The following SLC24A2 variants were observed in gnomAD, a reference collection of about 807,000 sequenced individuals.
SLC24A2 encodes solute carrier family 24 member 2.
A neutral mutation model predicts 62.0 loss-of-function variants in SLC24A2; 36 were observed. The ratio of observed to expected loss-of-function variants is 0.58; its 90% CI spans 0.44 to 0.77. SLC24A2 has a LOEUF of 0.77. SLC24A2 is among the 30% of genes least tolerant of loss of function. The probability of loss-of-function intolerance (pLI) is 0.00; values close to 1 mark genes in which losing one functional copy is unlikely to be tolerated. For missense variants in SLC24A2, 846 were observed against 817.9 expected (o/e 1.03, Z -0.42); for synonymous variants, 358 against 294.0 (o/e 1.22, Z -2.23).
At chr9:19,811,022 A>C in the SLC24A2 span, among the ~76,000 whole-genome samples, 1 of 152,154 alleles carries the variant, frequency 6.6e-6, no homozygotes, top group African/African-American at 2.4e-5. Context: ...TGTATCTTTC[A>C]AATAAGTTAC....
At chr9:19,626,577 A>G (rs1818041286) in intron 2 of SLC24A2, among the ~76,000 whole-genome samples, 2 of 152,234 alleles carry the variant, frequency 1.3e-5, no homozygotes, top group African/African-American at 4.8e-5. Flanking sequence ...TGGAAGCATT[A>G]TAAAGTCTAT....
chr9:19,911,584 C>G, the SLC24A2 span, among the ~76,000 whole-genome samples: 88 of 152,270 alleles, frequency 5.8e-4, 1 homozygote, highest in East Asian at 0.011. Context: ...AAGCCTTGAT[C>G]TGAGCCTTGA....
At chr9:20,120,421 G>C in the SLC24A2 span, among the ~76,000 whole-genome samples, 2 of 152,042 alleles carry the variant, frequency 1.3e-5, no homozygotes, top group Non-Finnish European at 2.9e-5. Context: ...GTTGGAGCTG[G>C]AGGCCATTAT....
At chr9:20,120,319 T>C in the SLC24A2 span, among the ~76,000 whole-genome samples, 1 of 152,116 alleles carries the variant, frequency 6.6e-6, no homozygotes, top group Non-Finnish European at 1.5e-5. Flanking sequence ...TGCCCATAAA[T>C]GGTGGCCTGG....
chr9:19,882,664 T>TAAAA, the SLC24A2 span, among the ~76,000 whole-genome samples: 1 of 140,882 alleles, frequency 7.1e-6, no homozygotes, highest in Non-Finnish European at 1.5e-5. Context: ...ATCTACAGGT[T>TAAAA]AAAAAAAAAA....
At chr9:20,210,335 A>C in the SLC24A2 span, among the ~76,000 whole-genome samples, 1 of 152,250 alleles carries the variant, frequency 6.6e-6, no homozygotes, top group African/African-American at 2.4e-5. Context: ...AATTTCTGAC[A>C]GTAAGCAAAT....
At chr9:19,851,027 A>ATATATATATATATTTTT in the SLC24A2 span, among the ~76,000 whole-genome samples, 1 of 55,292 alleles carries the variant, frequency 1.8e-5, no homozygotes, top group Non-Finnish European at 3.3e-5. Flanking sequence ...ATATATACAT[A>ATATATATATATATTTTT]TTTTTTTTTT....
At chr9:19,726,555 C>T (rs888399055) in intron 2 of SLC24A2, among the ~76,000 whole-genome samples, 1 of 152,136 alleles carries the variant, frequency 6.6e-6, no homozygotes, top group African/African-American at 2.4e-5. Flanking sequence ...TCCTGGAGAC[C>T]TCAGCAACCT....
At chr9:19,762,773 G>C (rs1413128107) in intron 2 of SLC24A2, among the ~76,000 whole-genome samples, 4 of 137,168 alleles carry the variant, frequency 2.9e-5, no homozygotes, top group Non-Finnish European at 6.3e-5. Context: ...TTTTGCTTAG[G>C]ATTGTCTTGG....
intron 2 of SLC24A2, among the ~76,000 whole-genome samples, chr9:19,699,827 T>G (rs1472311792): frequency 6.6e-6 from 1 of 152,176 alleles, no homozygotes; most frequent in Non-Finnish European, 1.5e-5. Context: ...TTAAATTTTT[T>G]TTTCTGACTA....
At chr9:20,071,169 A>G in the SLC24A2 span, among the ~76,000 whole-genome samples, 1 of 152,192 alleles carries the variant, frequency 6.6e-6, no homozygotes, top group African/African-American at 2.4e-5. Context: ...CTTCCTGCAC[A>G]GCCTTCAGAA....
intron 2 of SLC24A2, among the ~76,000 whole-genome samples, chr9:19,709,119 G>T (rs1820630850): frequency 6.6e-6 from 1 of 152,124 alleles, no homozygotes; most frequent in Non-Finnish European, 1.5e-5. Context: ...CTTCTCAAAA[G>T]AAGACATTTA....
chr9:20,016,978 A>C, the SLC24A2 span, among the ~76,000 whole-genome samples: 1 of 152,228 alleles, frequency 6.6e-6, no homozygotes, highest in Non-Finnish European at 1.5e-5. Flanking sequence ...TTTTAATTTA[A>C]AAGGGCATAG....
chr9:19,880,274 A>C, the SLC24A2 span, among the ~76,000 whole-genome samples: 1 of 152,218 alleles, frequency 6.6e-6, no homozygotes, highest in African/African-American at 2.4e-5. Flanking sequence ...ATGGAGAACC[A>C]GGGAAGTAAC....
At chr9:19,788,720 G>A (rs890150473) in intron 1 of SLC24A2, 165 bp downstream of exon 1, 48 of 985,306 alleles carry the variant, frequency 4.9e-5, no homozygotes, top group Middle Eastern at 5.2e-4. Context: ...CCACGCCCCG[G>A]AGCACAGAGA....
the SLC24A2 span, among the ~76,000 whole-genome samples, chr9:20,296,819 A>G: frequency 4.6e-5 from 7 of 152,320 alleles, no homozygotes; most frequent in East Asian, 5.8e-4. Context: ...TTCTTCATGT[A>G]TACAGTTCAT....
In SLC24A2 at chr9:19,512,893, C is replaced by T. The variant is rs542919132; in HGVS notation, c.*3260G>A. On this transcript the variant is annotated 3_prime_UTR_variant, in exon 11 of 11. Coordinates refer to ENST00000341998, the MANE Select transcript of SLC24A2 (RefSeq NM_020344.4). ...TATCAGCATTAGGGATATGGCTGAC[C>T]GATTTCCTTAAGGCTATAAATTGAT... is the stretch of plus-strand genomic sequence containing the variant. 4.6e-5 allele frequency: 7 copies of T among 151,640 alleles called. No individual in the cohort carries two copies. Among genetic ancestry groups the T allele is most frequent in the South Asian group, 2.1e-4 (1 of 4,780 alleles). 9.4% of individuals were successfully genotyped at this position (151,640 alleles called of 1,614,324 possible). A position where few individuals can be genotyped will look rare whatever the true frequency, so the allele number is the denominator to read the frequency against.
At chr9:19,697,034 T>G (rs1454334086) in intron 2 of SLC24A2, among the ~76,000 whole-genome samples, 1 of 152,190 alleles carries the variant, frequency 6.6e-6, no homozygotes, top group Non-Finnish European at 1.5e-5. Context: ...GGGTAAATTT[T>G]TAATTGCTAA....
the SLC24A2 span, among the ~76,000 whole-genome samples, chr9:20,263,507 C>G: frequency 6.6e-6 from 1 of 152,130 alleles, no homozygotes; most frequent in African/African-American, 2.4e-5. Context: ...CCTCGGCCCC[C>G]CAAAAGCGTT....
Sources: gnomAD v4.1 joint callset for allele counts (sites outside exome capture counted in the v4.1 genomes callset) on GRCh38, gnomAD v4.1.1 for gene constraint, MANE v1.5 for transcripts, NCBI Gene and HGNC (gene_info 2026-07-23, HGNC 2026-07-21) for gene names.